ARHGAP35: variants seen among roughly 807,000 people sequenced by gnomAD.
ARHGAP35 encodes the protein Rho GTPase activating protein 35.
Under a neutral mutation model 111.1 loss-of-function variants are expected in ARHGAP35, and 15 were observed. That is an observed-to-expected ratio of 0.13 (90% CI 0.09 to 0.21). ARHGAP35 has a LOEUF of 0.21. Among genes scored for constraint, ARHGAP35 ranks in the 10% least tolerant of loss-of-function variants. The pLI, the probability that ARHGAP35 is intolerant of heterozygous loss-of-function variation, is 1.00. For synonymous variants in ARHGAP35, 643 were observed against 710.3 expected, an observed-to-expected ratio of 0.91 and a Z score of 1.51; for missense variants, 1,262 against 1,873.0, an observed-to-expected ratio of 0.67 and a Z score of 6.02.
chr19:46,921,968 G>A lies in ARHGAP35; in HGVS notation c.3293G>A (p.Arg1098Lys), dbSNP rs199544366. The stretch of plus-strand genomic sequence containing the variant: ...CCCATGGATGCTGTGGTGAAGCCAA[G>A]GAATGAAGAAGAAAACATATACTCC... ...AEPMDAVVKP[R>K]NEEENIYSVP... The change falls in exon 2 of 7, where the codon AGG becomes AAG. Residue 1098 changes from arginine (R) to lysine (K), a missense_variant. Coordinates refer to ENST00000672722, the MANE Select transcript of ARHGAP35 (RefSeq NM_004491.5). This position sits in a 1 kb window ranked among gnomAD's most constrained non-coding sequence, Gnocchi z 4.3. 526 of 1,613,970 alleles carry A rather than the reference G, an allele frequency of 3.3e-4. 1 individual carries two copies. The African/African-American group carries it at 5.2e-3, about 16-fold the overall frequency.
intron 1 of ARHGAP35, among the ~76,000 whole-genome samples, chr19:46,867,947 A>G (rs75462332): frequency 1.3e-5 from 2 of 152,142 alleles, no homozygotes; most frequent in East Asian, 3.8e-4. Flanking sequence ...GCTCACTACA[A>G]AGTCCGCCTC....
chr19:46,965,183 G>A (rs1269589580), intron 3 of ARHGAP35, among the ~76,000 whole-genome samples: 1 of 152,068 alleles, frequency 6.6e-6, no homozygotes, highest in Non-Finnish European at 1.5e-5. Flanking sequence ...CGTGGTGACA[G>A]GTGCCTGTAA....
intron 1 of ARHGAP35, among the ~76,000 whole-genome samples, chr19:46,882,114 GACC>G (rs2055965446): frequency 6.6e-6 from 1 of 151,642 alleles, no homozygotes; most frequent in Non-Finnish European, 1.5e-5. Context: ...CTTCTGTCTA[GACC>G]ACTCAAACTT....
chr19:46,980,052 C>T (rs1204134818), intron 3 of ARHGAP35, among the ~76,000 whole-genome samples: 1 of 152,126 alleles, frequency 6.6e-6, no homozygotes, highest in Non-Finnish European at 1.5e-5. Context: ...GGCCGTCGTT[C>T]TTCTCAGGCC....
chr19:46,873,875 A>G (rs1336043938), intron 1 of ARHGAP35, among the ~76,000 whole-genome samples: 5 of 151,972 alleles, frequency 3.3e-5, no homozygotes, highest in Non-Finnish European at 7.4e-5. Context: ...CAGCCTCCCA[A>G]GTAGCTGGGA....
At chr19:46,916,150 G>A (rs2056161985) in intron 1 of ARHGAP35, among the ~76,000 whole-genome samples, 1 of 151,874 alleles carries the variant, frequency 6.6e-6, no homozygotes, top group African/African-American at 2.4e-5. Flanking sequence ...TAGCCAGGAT[G>A]GTCTTGATCT....
chr19:46,930,560 A>C (rs547163850), intron 2 of ARHGAP35, among the ~76,000 whole-genome samples: 1 of 145,590 alleles, frequency 6.9e-6, no homozygotes, highest in African/African-American at 2.6e-5. Flanking sequence ...AGCATTTAAA[A>C]GGTTTAAACG....
At chr19:46,898,099 G>A (rs987087805) in intron 1 of ARHGAP35, among the ~76,000 whole-genome samples, 12 of 151,996 alleles carry the variant, frequency 7.9e-5, no homozygotes, top group South Asian at 2.1e-4. Context: ...AAAATTAGCC[G>A]GGCATGGTGG....
At chr19:46,861,234 C>T (rs984453738) in intron 1 of ARHGAP35, among the ~76,000 whole-genome samples, 25 bp downstream of exon 1, 1 of 151,264 alleles carries the variant, frequency 6.6e-6, no homozygotes, top group South Asian at 2.1e-4. Flanking sequence ...TCACGGGCCC[C>T]GGGCGGCGAG....
chr19:46,986,308 A>G lies in ARHGAP35; in HGVS notation c.3827-1681A>G, dbSNP rs117038866. On this transcript the variant is annotated intron_variant, in intron 3 of 6. Transcript: ENST00000672722. The surrounding 1 kb of genome is among the most constrained non-coding windows in gnomAD (Gnocchi z 4.3). ...ACAGTGCTCCTCTGCCCACGGTAGGATGGGGAGGGAGTGGGAGCCCATCCT... is the reference window on the plus strand; with the variant it reads ...ACAGTGCTCCTCTGCCCACGGTAGGGTGGGGAGGGAGTGGGAGCCCATCCT... Among the ~76,000 whole-genome samples, 737 of 152,296 alleles carry G rather than the reference A, an allele frequency of 4.8e-3. 6 individuals carry two copies. The highest frequency in any genetic ancestry group is 6.9e-3 in the Non-Finnish European group (469 of 68,008).
intron 1 of ARHGAP35, among the ~76,000 whole-genome samples, chr19:46,882,324 G>A (rs2045866217): frequency 1.3e-5 from 2 of 151,476 alleles, no homozygotes; most frequent in Admixed American, 1.3e-4. Flanking sequence ...TTTTTGTAGA[G>A]ACAGGATCAG....
Position 46,908,713 on chromosome 19 carries a change from T to C in ARHGAP35, c.-188-9775T>C, listed in dbSNP as rs1433027616. Among the ~76,000 whole-genome samples the C allele has an allele frequency of 6.6e-6, 1 of 152,226 alleles. No individual in the cohort carries two copies. The highest frequency in any genetic ancestry group is 1.5e-5 in the Non-Finnish European group (1 of 68,050). ...ATCAGGGGAATTTGATTTCATCCTG[T>C]GGATAACATAGCTTAGAAATTCTGT... On this transcript the variant is annotated intron_variant, in intron 1 of 6. Coordinates refer to ENST00000672722, the MANE Select transcript of ARHGAP35 (RefSeq NM_004491.5). This position sits in a 1 kb window ranked among gnomAD's most constrained non-coding sequence, Gnocchi z 4.2.
intron 1 of ARHGAP35, among the ~76,000 whole-genome samples, chr19:46,878,002 C>T (rs2055935200): frequency 6.6e-6 from 1 of 151,584 alleles, no homozygotes; most frequent in East Asian, 1.9e-4. Context: ...GCCACCGCTC[C>T]CGGCCTAAAT....
chr19:46,934,614 G>A (rs886678825), intron 2 of ARHGAP35, among the ~76,000 whole-genome samples: 21 of 151,808 alleles, frequency 1.4e-4, no homozygotes, highest in African/African-American at 4.6e-4. Context: ...TGATCCGCCC[G>A]CCTTGCCCTC....
chr19:46,971,354 T>C (rs192683914), intron 3 of ARHGAP35, among the ~76,000 whole-genome samples: 1 of 151,696 alleles, frequency 6.6e-6, no homozygotes, highest in African/African-American at 2.4e-5. Context: ...TGCAGTGAAC[T>C]GAGCTCACGC....
intron 1 of ARHGAP35, among the ~76,000 whole-genome samples, chr19:46,916,985 G>A (rs1172438620): frequency 6.8e-6 from 1 of 147,104 alleles, no homozygotes; most frequent in Non-Finnish European, 1.5e-5. Context: ...TTTTTTTACT[G>A]TGTTAAAATA....
intron 3 of ARHGAP35, among the ~76,000 whole-genome samples, chr19:46,964,738 G>A (rs2122279015): frequency 6.6e-6 from 1 of 152,268 alleles, no homozygotes; most frequent in Middle Eastern, 3.4e-3. Context: ...GGAGCTTATG[G>A]AAGGGGGTTC....
intron 2 of ARHGAP35, among the ~76,000 whole-genome samples, chr19:46,923,222 A>G (rs1034600367): frequency 2.7e-5 from 4 of 150,482 alleles, no homozygotes; most frequent in Non-Finnish European, 5.9e-5. Flanking sequence ...CTCCTGCCTC[A>G]GCCTGCTGAG....
intron 1 of ARHGAP35, among the ~76,000 whole-genome samples, chr19:46,890,435 G>A (rs186618495): frequency 2.0e-5 from 3 of 152,332 alleles, no homozygotes; most frequent in Non-Finnish European, 4.4e-5. Context: ...TGGTCATAGA[G>A]AGATGAAATG....
Sources: allele counts gnomAD v4.1 joint callset (sites outside exome capture counted in the v4.1 genomes callset), GRCh38; gene constraint gnomAD v4.1.1; non-coding constraint Gnocchi (gnomAD v3.1); transcripts MANE v1.5; gene names NCBI Gene and HGNC (gene_info 2026-07-23, HGNC 2026-07-21).